C8orf34: variants seen among roughly 807,000 people sequenced by gnomAD.
C8orf34 encodes the protein uncharacterized protein C8orf34.
A neutral mutation model predicts 68.3 loss-of-function variants in C8orf34; 65 were observed. The ratio of observed to expected loss-of-function variants is 0.95; its 90% CI spans 0.78 to 1.17. The LOEUF (loss-of-function observed/expected upper bound fraction) is 1.17. C8orf34 is among the 50% of genes most tolerant of loss of function. The probability of loss-of-function intolerance (pLI) is 0.00; values close to 1 mark genes in which losing one functional copy is unlikely to be tolerated. For missense variants in C8orf34, 664 were observed against 655.4 expected (o/e 1.01, Z -0.14); for synonymous variants, 244 against 241.2 (o/e 1.01, Z -0.11).
At chr8:68,548,282 T>C (rs1815953150) in intron 7 of C8orf34, among the ~76,000 whole-genome samples, 1 of 151,782 alleles carries the variant, frequency 6.6e-6, no homozygotes, top group Non-Finnish European at 1.5e-5. Flanking sequence ...ATATACAACA[T>C]ATTAAAATCT....
chr8:68,662,324 TTGA>T (rs1189049594), intron 8 of C8orf34, among the ~76,000 whole-genome samples: 1 of 152,228 alleles, frequency 6.6e-6, no homozygotes, highest in Non-Finnish European at 1.5e-5. Flanking sequence ...TCTTTCCTAG[TTGA>T]TGAGAGTCCT....
At chr8:68,791,012 T>G (rs1217036376) in intron 12 of C8orf34, 1 of 597,108 alleles carries the variant, frequency 1.7e-6, no homozygotes, top group Non-Finnish European at 2.9e-6. Context: ...CATCTATAAA[T>G]AAGTTTGAAT....
chr8:68,624,271 C>CAA (rs35851704), intron 7 of C8orf34, among the ~76,000 whole-genome samples: 1,468 of 81,018 alleles, frequency 0.018, 27 homozygotes, highest in African/African-American at 0.057. Flanking sequence ...GGCTCTGTCT[C>CAA]AAAAAAAAAA....
intron 1 of C8orf34, among the ~76,000 whole-genome samples, chr8:68,382,786 TTTAGAAAGA>T: frequency 6.6e-6 from 1 of 152,194 alleles, no homozygotes; most frequent in African/African-American, 2.4e-5. Context: ...TATACTTTCC[TTTAGAAAGA>T]TTCTATGGAT....
intron 10 of C8orf34, among the ~76,000 whole-genome samples, chr8:68,769,910 G>A (rs988172391): frequency 8.5e-5 from 13 of 152,268 alleles, no homozygotes; most frequent in African/African-American, 2.6e-4. Flanking sequence ...AAGGATAGGC[G>A]TAGTCTCAAG....
chr8:68,563,915 A>G lies in C8orf34; in HGVS notation c.1105+30766A>G, dbSNP rs895010695. ...CAGGCAAAAGAAAAGGAATTACTGAACACAATTTAGCTTCAGAAAATCACT... is the reference window on the plus strand; with the variant it reads ...CAGGCAAAAGAAAAGGAATTACTGAGCACAATTTAGCTTCAGAAAATCACT... On this transcript the variant is annotated intron_variant, in intron 7 of 13. Coordinates refer to ENST00000518698, the MANE Select transcript of C8orf34 (RefSeq NM_052958.4). 2.6e-5 allele frequency among the ~76,000 whole-genome samples: 4 copies of G among 152,232 alleles called. No homozygotes were observed. The South Asian group carries it at 6.2e-4, about 24-fold the overall frequency.
At chr8:68,472,940 C>T (rs1028735375) in intron 4 of C8orf34, among the ~76,000 whole-genome samples, 1 of 152,160 alleles carries the variant, frequency 6.6e-6, no homozygotes, top group South Asian at 2.1e-4. Flanking sequence ...GGCTACCATA[C>T]TGGACATCAC....
intron 9 of C8orf34, among the ~76,000 whole-genome samples, chr8:68,715,839 C>A (rs1405169722): frequency 6.6e-6 from 1 of 151,972 alleles, no homozygotes; most frequent in African/African-American, 2.4e-5. Flanking sequence ...GAAAAGAAGC[C>A]ATTATATGAA....
At chr8:68,436,772 T>C (rs1303690106) in intron 1 of C8orf34, among the ~76,000 whole-genome samples, 2 of 152,188 alleles carry the variant, frequency 1.3e-5, no homozygotes, top group Admixed American at 6.5e-5. Context: ...CAAATTAACA[T>C]ACTAGCTGTG....
chr8:68,636,539 C>T (rs554587157), intron 7 of C8orf34, among the ~76,000 whole-genome samples: 85 of 151,944 alleles, frequency 5.6e-4, no homozygotes, highest in Non-Finnish European at 1.1e-3. Flanking sequence ...GAGCCGAGAT[C>T]GCACCACTGC....
chr8:68,658,554 A>G (rs754502463), intron 8 of C8orf34, among the ~76,000 whole-genome samples: 12 of 152,184 alleles, frequency 7.9e-5, no homozygotes, highest in Admixed American at 3.9e-4. Flanking sequence ...TATTTTTAGT[A>G]AGGTGTCCTG....
At chr8:68,798,705 C>T (rs1824248718) in intron 12 of C8orf34, among the ~76,000 whole-genome samples, 1 of 152,096 alleles carries the variant, frequency 6.6e-6, no homozygotes, top group Admixed American at 6.5e-5. Flanking sequence ...ATCTGAATAA[C>T]TTCTTTACAG....
chr8:68,734,049 C>T (rs1417502314), intron 10 of C8orf34, among the ~76,000 whole-genome samples: 1 of 152,024 alleles, frequency 6.6e-6, no homozygotes, highest in Admixed American at 6.6e-5. Context: ...AAAGTATTTG[C>T]ATTCCAGTAG....
intron 1 of C8orf34, among the ~76,000 whole-genome samples, chr8:68,352,189 T>G (rs1485619895): frequency 6.6e-6 from 1 of 152,084 alleles, no homozygotes. Context: ...TTAAGAATAA[T>G]TTTTGGTATT....
chr8:68,467,373 T>C (rs1256291986), intron 3 of C8orf34, among the ~76,000 whole-genome samples: 3 of 152,112 alleles, frequency 2.0e-5, no homozygotes, highest in Non-Finnish European at 4.4e-5. Context: ...TGCCAAACCC[T>C]GCCCAAAGAA....
intron 5 of C8orf34, among the ~76,000 whole-genome samples, chr8:68,488,543 A>G (rs1813173740): frequency 6.6e-6 from 1 of 152,126 alleles, no homozygotes; most frequent in Non-Finnish European, 1.5e-5. Context: ...GGTTAGAAAT[A>G]TATTTCTATA....
intron 12 of C8orf34, 94 bp downstream of exon 12, chr8:68,787,630 G>T (rs1179890696): frequency 7.5e-5 from 52 of 694,968 alleles, no homozygotes; most frequent in Non-Finnish European, 8.1e-5. Context: ...AACAACTTCT[G>T]TAAAAAAAAA....
chr8:68,615,758 G>T (rs888861981), intron 7 of C8orf34, among the ~76,000 whole-genome samples: 1 of 152,016 alleles, frequency 6.6e-6, no homozygotes, highest in Non-Finnish European at 1.5e-5. Flanking sequence ...TCTCTCTTTT[G>T]GTTTTGTCTC....
At chr8:68,427,492 C>G (rs1388474090) in intron 1 of C8orf34, among the ~76,000 whole-genome samples, 1 of 152,062 alleles carries the variant, frequency 6.6e-6, no homozygotes, top group Non-Finnish European at 1.5e-5. Context: ...TATATGTTAT[C>G]TAGCTATAGA....
Sources: gnomAD v4.1 joint callset for allele counts (sites outside exome capture counted in the v4.1 genomes callset) on GRCh38, gnomAD v4.1.1 for gene constraint, MANE v1.5 for transcripts, NCBI Gene and HGNC (gene_info 2026-07-23, HGNC 2026-07-21) for gene names.